The following SH3RF3 variants were observed in gnomAD, a reference collection of about 807,000 sequenced individuals.
The protein encoded by SH3RF3 is SH3 domain containing ring finger 3.
In SH3RF3, 29 loss-of-function variants were observed where a neutral mutation model predicts 66.3. The ratio of observed to expected loss-of-function variants is 0.44; its 90% CI spans 0.33 to 0.60. SH3RF3 has a LOEUF of 0.60. Ranked by LOEUF, SH3RF3 falls within the 20% of genes least tolerant of loss-of-function variation. SH3RF3 has a pLI of 0.04. For missense variants in SH3RF3, 1,194 were observed against 1,190.9 expected (o/e 1.00, Z -0.04); for synonymous variants, 583 against 532.0 (o/e 1.10, Z -1.32).
At chr2:109,163,365 A>G (rs1026785436) in intron 1 of SH3RF3, among the ~76,000 whole-genome samples, 5 of 150,960 alleles carry the variant, frequency 3.3e-5, no homozygotes, top group Non-Finnish European at 7.4e-5. Flanking sequence ...TGGAGTTCTC[A>G]ATAGATTAAC....
At chr2:109,410,856 CA>C (rs59358067) in intron 4 of SH3RF3, among the ~76,000 whole-genome samples, 78,654 of 151,994 alleles carry the variant, frequency 0.52, 20,628 homozygotes, top group Middle Eastern at 0.58. Context: ...CAGAGATTTC[CA>C]TTGGATGATC....
At chr2:109,499,893 C>T (rs1679346323) in intron 9 of SH3RF3, among the ~76,000 whole-genome samples, 1 of 152,144 alleles carries the variant, frequency 6.6e-6, no homozygotes, top group Non-Finnish European at 1.5e-5. Flanking sequence ...CTGAGCTGAG[C>T]TCAGGTTCAA....
chr2:109,329,477 G>GCGGTGT (rs1448603218), intron 1 of SH3RF3, among the ~76,000 whole-genome samples: 1 of 152,210 alleles, frequency 6.6e-6, no homozygotes, highest in African/African-American at 2.4e-5. Context: ...CATGGCTGGA[G>GCGGTGT]CGGTGTCTTT....
At chr2:109,265,169 T>C (rs1680459901) in intron 1 of SH3RF3, among the ~76,000 whole-genome samples, 2 of 151,906 alleles carry the variant, frequency 1.3e-5, no homozygotes. Context: ...AGAAGGAACA[T>C]TGAAGAGAGC....
chr2:109,424,798 C>T (rs1676986387), intron 5 of SH3RF3, among the ~76,000 whole-genome samples: 1 of 152,186 alleles, frequency 6.6e-6, no homozygotes, highest in East Asian at 1.9e-4. Context: ...TACCTTTTCC[C>T]TTAGACACAA....
At chr2:109,221,224 A>T (rs1679232202) in intron 1 of SH3RF3, among the ~76,000 whole-genome samples, 1 of 152,144 alleles carries the variant, frequency 6.6e-6, no homozygotes, top group Non-Finnish European at 1.5e-5. Context: ...GCCTCTCTTA[A>T]TTTTTTTCTT....
chr2:109,305,420 C>T (rs553384787), intron 1 of SH3RF3, among the ~76,000 whole-genome samples: 16 of 152,228 alleles, frequency 1.1e-4, no homozygotes, highest in African/African-American at 2.6e-4. Context: ...AGGGGAACAT[C>T]GTGCTTCCTA....
intron 1 of SH3RF3, among the ~76,000 whole-genome samples, chr2:109,194,398 C>T (rs1246993094): frequency 4.6e-5 from 7 of 152,252 alleles, no homozygotes. Flanking sequence ...TGGGCTGGGC[C>T]TCAACCCCTG....
At chr2:109,321,217 C>G (rs1218731543) in intron 1 of SH3RF3, among the ~76,000 whole-genome samples, 3 of 152,230 alleles carry the variant, frequency 2.0e-5, no homozygotes, top group Non-Finnish European at 4.4e-5. Flanking sequence ...AGTAATAGAA[C>G]TCAAACCTTA....
At chr2:109,379,752 A>C (rs1171313175) in intron 3 of SH3RF3, among the ~76,000 whole-genome samples, 1 of 152,122 alleles carries the variant, frequency 6.6e-6, no homozygotes, top group African/African-American at 2.4e-5. Context: ...TGCCTCCAGG[A>C]ACACTTTGTA....
At chr2:109,163,645 C>T (rs183222586) in intron 1 of SH3RF3, among the ~76,000 whole-genome samples, 4,226 of 151,924 alleles carry the variant, frequency 0.028, 95 homozygotes, top group Non-Finnish European at 0.046. Flanking sequence ...GTGATCCGCC[C>T]GCCTCGGCCT....
chr2:109,160,968 G>T (rs149767301), intron 1 of SH3RF3, among the ~76,000 whole-genome samples: 92 of 152,258 alleles, frequency 6.0e-4, no homozygotes, highest in Middle Eastern at 3.4e-3. Flanking sequence ...GCGTGGCAGG[G>T]GCTCAGAGAG....
chr2:109,149,642 C>T (rs1677186576), intron 1 of SH3RF3, among the ~76,000 whole-genome samples: 1 of 152,186 alleles, frequency 6.6e-6, no homozygotes, highest in Non-Finnish European at 1.5e-5. Flanking sequence ...CCATTGAGCA[C>T]CCACATGTCC....
intron 5 of SH3RF3, among the ~76,000 whole-genome samples, chr2:109,432,219 C>T (rs1038693871): frequency 1.3e-5 from 2 of 152,160 alleles, no homozygotes; most frequent in African/African-American, 4.8e-5. Flanking sequence ...AGCTGCCTTC[C>T]TATCTGTCAG....
intron 8 of SH3RF3, among the ~76,000 whole-genome samples, chr2:109,462,473 C>T (rs1326452361): frequency 6.6e-6 from 1 of 152,140 alleles, no homozygotes. Flanking sequence ...CTGTCATTCT[C>T]CATGATCCAT....
intron 4 of SH3RF3, among the ~76,000 whole-genome samples, chr2:109,404,327 G>C (rs1329439222): frequency 6.6e-6 from 1 of 152,224 alleles, no homozygotes; most frequent in Non-Finnish European, 1.5e-5. Context: ...AGAGAGCTGG[G>C]AGCTGTGTAA....
At chr2:109,270,024 C>T (rs907586015) in intron 1 of SH3RF3, among the ~76,000 whole-genome samples, 8 of 152,166 alleles carry the variant, frequency 5.3e-5, no homozygotes, top group South Asian at 2.1e-4. Context: ...TAATAGATTG[C>T]GATTGAAGCC....
chr2:109,437,695 C>T (rs933565103), intron 7 of SH3RF3, among the ~76,000 whole-genome samples: 1 of 150,150 alleles, frequency 6.7e-6, no homozygotes, highest in Non-Finnish European at 1.5e-5. Context: ...GCTGTTGATC[C>T]TTCGCCTTCA....
intron 1 of SH3RF3, among the ~76,000 whole-genome samples, chr2:109,220,588 C>A (rs577418176): frequency 5.9e-5 from 9 of 152,184 alleles, no homozygotes; most frequent in South Asian, 4.1e-4. Context: ...ATTTAAAAAA[C>A]CCAATTCAAA....
Sources: gnomAD v4.1 joint callset for allele counts (sites outside exome capture counted in the v4.1 genomes callset) on GRCh38, gnomAD v4.1.1 for gene constraint, MANE v1.5 for transcripts, NCBI Gene and HGNC (gene_info 2026-07-23, HGNC 2026-07-21) for gene names.